ADARB2: variants seen among roughly 807,000 people sequenced by gnomAD.
ADARB2 encodes inactive double-stranded RNA-specific editase B2.
In ADARB2, 25 loss-of-function variants were observed where a neutral mutation model predicts 62.2. That is an observed-to-expected ratio of 0.40 (90% CI 0.29 to 0.56). The LOEUF is 0.56. Ranked by LOEUF, ADARB2 falls within the 20% of genes least tolerant of loss-of-function variation. The probability of loss-of-function intolerance (pLI) is 0.43; values close to 1 mark genes in which losing one functional copy is unlikely to be tolerated. For missense variants in ADARB2, 1,071 were observed against 1,077.4 expected (o/e 0.99, Z 0.08); for synonymous variants, 572 against 500.8 (o/e 1.14, Z -1.90).
intron 3 of ADARB2, among the ~76,000 whole-genome samples, chr10:1,360,014 C>T (rs939627307): frequency 2.6e-5 from 4 of 152,236 alleles, no homozygotes; most frequent in South Asian, 4.1e-4. Context: ...AAGCCTTTGG[C>T]GGAGAGCACT....
intron 6 of ADARB2, among the ~76,000 whole-genome samples, chr10:1,222,220 G>A (rs1014743514): frequency 6.6e-6 from 1 of 152,114 alleles, no homozygotes; most frequent in Non-Finnish European, 1.5e-5. Flanking sequence ...GTCTTTTTTT[G>A]AGAAGTGTTT....
intron 1 of ADARB2, among the ~76,000 whole-genome samples, chr10:1,472,966 G>T (rs369373094): frequency 0.043 from 6,588 of 152,228 alleles, 276 homozygotes; most frequent in South Asian, 0.11. Flanking sequence ...AGAAATGCTT[G>T]GGACTGGTGA....
chr10:1,273,888 G>C (rs1470250642), intron 3 of ADARB2, among the ~76,000 whole-genome samples: 1 of 152,170 alleles, frequency 6.6e-6, no homozygotes, highest in Non-Finnish European at 1.5e-5. Flanking sequence ...CTCTGGGACC[G>C]GGTGACGGGT....
intron 3 of ADARB2, among the ~76,000 whole-genome samples, chr10:1,271,276 G>C (rs1025504173): frequency 3.9e-5 from 6 of 152,222 alleles, no homozygotes; most frequent in African/African-American, 9.7e-5. Context: ...ATATTGAGTG[G>C]CTTATGAGTG....
chr10:1,273,520 G>A (rs2131800384), intron 3 of ADARB2, among the ~76,000 whole-genome samples: 1 of 152,272 alleles, frequency 6.6e-6, no homozygotes, highest in Non-Finnish European at 1.5e-5. Flanking sequence ...CCTTCGTGAT[G>A]GTCCTTGGTT....
intron 1 of ADARB2, among the ~76,000 whole-genome samples, chr10:1,650,298 G>T (rs953349040): frequency 5.3e-5 from 8 of 152,210 alleles, no homozygotes; most frequent in African/African-American, 1.2e-4. Flanking sequence ...TCACTTAAAG[G>T]AGAGGAAAAT....
At chr10:1,528,646 GC>G (rs1832180148) in intron 1 of ADARB2, among the ~76,000 whole-genome samples, 1 of 152,202 alleles carries the variant, frequency 6.6e-6, no homozygotes, top group African/African-American at 2.4e-5. Context: ...CTCCTGTCAT[GC>G]TGGTTGATGG....
intron 3 of ADARB2, among the ~76,000 whole-genome samples, chr10:1,311,710 T>C (rs1273419050): frequency 1.3e-5 from 2 of 152,144 alleles, no homozygotes; most frequent in African/African-American, 4.8e-5. Flanking sequence ...AGCAAAGACC[T>C]TGCTTCTTCT....
rs569514903 is a variant in ADARB2 at position 1,631,277 on chromosome 10, C to T, written c.100+105774G>A. Among the ~76,000 whole-genome samples, 4 of 152,252 alleles carry T rather than the reference C, an allele frequency of 2.6e-5. No homozygotes were observed. The East Asian group carries it at 7.7e-4, about 29-fold the overall frequency. On this transcript the variant is annotated intron_variant, in intron 1 of 9. Coordinates refer to ENST00000381312, the MANE Select transcript of ADARB2 (RefSeq NM_018702.4). ...CTTCCTCCATTCCATTCAATGAGGC[C>T]TGTAGAGCACCCACCACTACCTGGC...
chr10:1,380,380 C>A (rs906016263), intron 1 of ADARB2, among the ~76,000 whole-genome samples: 3 of 152,218 alleles, frequency 2.0e-5, no homozygotes, highest in Non-Finnish European at 2.9e-5. Context: ...TATCCGCGGA[C>A]GGGATTTCCC....
chr10:1,263,166 G>C (rs1263347512), intron 4 of ADARB2, among the ~76,000 whole-genome samples: 6 of 151,326 alleles, frequency 4.0e-5, no homozygotes, highest in Non-Finnish European at 7.4e-5. Flanking sequence ...AGCATTAGGA[G>C]ATATACCTAA....
intron 3 of ADARB2, among the ~76,000 whole-genome samples, chr10:1,302,788 G>A (rs1206780944): frequency 6.6e-6 from 1 of 152,104 alleles, no homozygotes; most frequent in African/African-American, 2.4e-5. Context: ...CACACTACAG[G>A]GTACTCCAAC....
At position 1,426,917 on chromosome 10, in the gene ADARB2, G is replaced by C. The variant is rs1381660600; in HGVS notation, c.101-47757C>G. ...CTAAAGCAGTTGTGAAAGAGCCGGAGGACCCCTGTCCCCAAACCCTGCCCA... is the reference window on the plus strand; with the variant it reads ...CTAAAGCAGTTGTGAAAGAGCCGGACGACCCCTGTCCCCAAACCCTGCCCA... On this transcript the variant is annotated intron_variant, in intron 1 of 9. Transcript: ENST00000381312. This position sits in a 1 kb window ranked among gnomAD's most constrained non-coding sequence, Gnocchi z 4.1. Among the ~76,000 whole-genome samples, 1 of 152,276 alleles carries C rather than the reference G, an allele frequency of 6.6e-6. No individual in the cohort carries two copies. The highest frequency in any genetic ancestry group is 1.5e-5 in the Non-Finnish European group (1 of 68,056).
intron 1 of ADARB2, among the ~76,000 whole-genome samples, chr10:1,482,970 T>C (rs182612300): frequency 6.6e-6 from 1 of 152,354 alleles, no homozygotes; most frequent in East Asian, 1.9e-4. Flanking sequence ...ATTGCCCATG[T>C]ATGTGTTCTA....
chr10:1,393,869 T>C (rs1216338508), intron 1 of ADARB2, among the ~76,000 whole-genome samples: 1 of 151,856 alleles, frequency 6.6e-6, no homozygotes, highest in Non-Finnish European at 1.5e-5. Flanking sequence ...AGGTGTGTGT[T>C]CACACTTCAC....
At chr10:1,266,017 G>GA (rs1831194978) in intron 4 of ADARB2, among the ~76,000 whole-genome samples, 1 of 124,896 alleles carries the variant, frequency 8.0e-6, no homozygotes, top group Non-Finnish European at 1.7e-5. Context: ...GACGGCCTGA[G>GA]AGGGGGGCCC....
chr10:1,577,617 T>G (rs970500736), intron 1 of ADARB2, among the ~76,000 whole-genome samples: 2 of 152,144 alleles, frequency 1.3e-5, no homozygotes, highest in African/African-American at 2.4e-5. Context: ...CTTGTGGCTG[T>G]GGCTGGTGAG....
rs777877743 is a variant in ADARB2 at position 1,544,018 on chromosome 10, CAAA to C, written c.101-164861_101-164859del. 1.4e-3 allele frequency among the ~76,000 whole-genome samples: 150 copies of C among 107,814 alleles called. 1 individual carries two copies. The highest frequency in any genetic ancestry group is 6.4e-3 in the African/African-American group (138 of 21,688). The allele number at this position is 107,814 out of a possible 152,430, so 70.7% of individuals were successfully genotyped here. On this transcript the variant is annotated intron_variant, in intron 1 of 9. Transcript: ENST00000381312. ...GTGACCAAAAAAAAAAAAAAACAAA[CAAA>C]AAAAAAAACACACAAAATGGTGACC...
At chr10:1,634,787 T>C (rs1328599862) in intron 1 of ADARB2, among the ~76,000 whole-genome samples, 3 of 152,332 alleles carry the variant, frequency 2.0e-5, no homozygotes, top group East Asian at 3.9e-4. Flanking sequence ...CCAACACTGG[T>C]TAACTGAAAG....
Sources: gnomAD v4.1 joint callset for allele counts (sites outside exome capture counted in the v4.1 genomes callset) on GRCh38, gnomAD v4.1.1 for gene constraint, Gnocchi (gnomAD v3.1) non-coding constraint, MANE v1.5 for transcripts, NCBI Gene and HGNC (gene_info 2026-07-23, HGNC 2026-07-21) for gene names.